HDAC9: variants seen among roughly 807,000 people sequenced by gnomAD.
HDAC9 encodes the protein histone deacetylase 9.
Under a neutral mutation model 139.4 loss-of-function variants are expected in HDAC9, and 41 were observed. The observed-to-expected ratio is 0.29, with a 90% CI of 0.23 to 0.38. HDAC9 has a LOEUF of 0.38. HDAC9 is among the 10% of genes least tolerant of loss of function. HDAC9 has a pLI of 1.00. For synonymous variants in HDAC9, 517 were observed against 476.2 expected, an observed-to-expected ratio of 1.09 and a Z score of -1.12; for missense variants, 1,147 against 1,297.0, an observed-to-expected ratio of 0.88 and a Z score of 1.78.
At chr7:18,510,776 G>A (rs1018511586) in intron 2 of HDAC9, among the ~76,000 whole-genome samples, 3 of 152,122 alleles carry the variant, frequency 2.0e-5, no homozygotes, top group African/African-American at 7.2e-5. Context: ...AATATAGATG[G>A]AATGGGTGAA....
chr7:18,662,577 A>C (rs1793553145), intron 11 of HDAC9, among the ~76,000 whole-genome samples: 1 of 151,948 alleles, frequency 6.6e-6, no homozygotes, highest in Non-Finnish European at 1.5e-5. Context: ...CTGAGATAGG[A>C]GTGCAGACAT....
At chr7:18,991,413 GGC>G (rs1785937280) in intron 25 of HDAC9, among the ~76,000 whole-genome samples, 2 of 152,142 alleles carry the variant, frequency 1.3e-5, no homozygotes, top group Non-Finnish European at 2.9e-5. Context: ...GGCCGAGGCG[GGC>G]AGATCACGAG....
chr7:18,275,820 T>G (rs949162309), intron 2 of HDAC9, among the ~76,000 whole-genome samples: 5 of 152,222 alleles, frequency 3.3e-5, no homozygotes, highest in Non-Finnish European at 1.5e-5. Flanking sequence ...CCATGCTTCG[T>G]TTTTGTTTAT....
intron 1 of HDAC9, among the ~76,000 whole-genome samples, chr7:18,450,972 G>A (rs1296288238): frequency 6.6e-6 from 1 of 152,122 alleles, no homozygotes; most frequent in Admixed American, 6.6e-5. Flanking sequence ...TTCACATATA[G>A]GTTATGTATA....
At chr7:18,505,416 A>G (rs1799493631) in intron 2 of HDAC9, among the ~76,000 whole-genome samples, 1 of 152,214 alleles carries the variant, frequency 6.6e-6, no homozygotes, top group Non-Finnish European at 1.5e-5. Flanking sequence ...CTCAAATCCT[A>G]ATTTCAACTT....
intron 1 of HDAC9, among the ~76,000 whole-genome samples, chr7:18,490,217 T>C (rs1796262601): frequency 1.3e-5 from 2 of 152,072 alleles, no homozygotes; most frequent in South Asian, 2.1e-4. Context: ...TCAGAATTAC[T>C]TGGAGGGCTG....
intron 2 of HDAC9, among the ~76,000 whole-genome samples, chr7:18,503,669 A>G (rs1798993810): frequency 6.6e-6 from 1 of 152,214 alleles, no homozygotes; most frequent in Admixed American, 6.5e-5. Context: ...ACCAAACCAC[A>G]GAGTGTAACT....
At chr7:18,271,821 CAA>C (rs1235964657) in intron 2 of HDAC9, among the ~76,000 whole-genome samples, 3 of 152,108 alleles carry the variant, frequency 2.0e-5, no homozygotes. Flanking sequence ...TCTGTGAAGG[CAA>C]AAATCAGTCA....
intron 21 of HDAC9, among the ~76,000 whole-genome samples, chr7:18,843,703 A>C (rs1796731024): frequency 6.6e-6 from 1 of 151,762 alleles, no homozygotes; most frequent in South Asian, 2.1e-4. Context: ...TTTTTCTATG[A>C]TTTTACATCT....
rs147259258 is a variant in HDAC9 at position 18,252,214 on chromosome 7, A to G, written c.25+89865A>G. Among the ~76,000 whole-genome samples the G allele has an allele frequency of 2.2e-3, 340 of 152,272 alleles. 5 individuals carry two copies. The East Asian group carries it at 0.031, about 14-fold the overall frequency. On this transcript the variant is annotated intron_variant, in intron 2 of 12. Coordinates refer to the HDAC9 transcript ENST00000417496. Reference sequence around the variant, plus strand: ...TCTACAAGAGAAATGTGGAACTACAACCATTTGCAGTGATCCTCAAGTCCT... The same window carrying G: ...TCTACAAGAGAAATGTGGAACTACAGCCATTTGCAGTGATCCTCAAGTCCT...
rs577753226 is a variant in HDAC9, at chr7:18,926,828, A to T, written c.2804-8981A>T. ...TGCTTTCAAAAGGTGCTGAGAATAT[A>T]AACTTACCTCCTGGAGCATCACTGA... On this transcript the variant is annotated intron_variant, in intron 22 of 25. Coordinates refer to ENST00000686413, the MANE Select transcript of HDAC9 (RefSeq NM_178425.4). 5.9e-5 allele frequency among the ~76,000 whole-genome samples: 9 copies of T among 152,332 alleles called. No individual in the cohort carries two copies. The South Asian group carries it at 1.7e-3, about 28-fold the overall frequency.
chr7:18,994,515 C>G (rs908666529), intron 25 of HDAC9, among the ~76,000 whole-genome samples: 3 of 152,114 alleles, frequency 2.0e-5, no homozygotes, highest in African/African-American at 7.2e-5. Flanking sequence ...GCTATAACTT[C>G]TTAAGAAGCA....
chr7:18,715,408 A>G (rs1316541404), intron 12 of HDAC9, among the ~76,000 whole-genome samples: 4 of 152,204 alleles, frequency 2.6e-5, no homozygotes, highest in Non-Finnish European at 5.9e-5. Flanking sequence ...GATATTTGGA[A>G]TATCTTTACT....
At chr7:18,794,413 G>T (rs546554129) in intron 17 of HDAC9, among the ~76,000 whole-genome samples, 12 of 152,298 alleles carry the variant, frequency 7.9e-5, no homozygotes, top group African/African-American at 2.9e-4. Flanking sequence ...AAAATGTGGA[G>T]TAGGAATGTG....
intron 23 of HDAC9, among the ~76,000 whole-genome samples, chr7:18,944,902 A>G (rs1013786558): frequency 2.6e-5 from 4 of 152,200 alleles, no homozygotes; most frequent in African/African-American, 9.6e-5. Context: ...CCATTCTATA[A>G]AAATAACTTT....
intron 2 of HDAC9, among the ~76,000 whole-genome samples, chr7:18,187,980 C>A (rs1265141050): frequency 6.6e-6 from 1 of 152,164 alleles, no homozygotes; most frequent in Admixed American, 6.5e-5. Flanking sequence ...ACATTCTTCA[C>A]AGAATTAGAA....
chr7:18,378,587 C>A (rs1431720969), intron 1 of HDAC9, among the ~76,000 whole-genome samples: 5 of 151,880 alleles, frequency 3.3e-5, no homozygotes, highest in Admixed American at 3.3e-4. Context: ...TGGATGTTTA[C>A]TAGAGCAAAG....
chr7:18,479,095 T>C (rs990955903), intron 1 of HDAC9, among the ~76,000 whole-genome samples: 3 of 152,144 alleles, frequency 2.0e-5, no homozygotes, highest in African/African-American at 7.2e-5. Context: ...TTTAAAAGTG[T>C]CTTTGCACAA....
chr7:18,871,018 G>A (rs995052819), intron 21 of HDAC9, among the ~76,000 whole-genome samples: 7 of 152,052 alleles, frequency 4.6e-5, no homozygotes, highest in African/African-American at 1.7e-4. Flanking sequence ...TTTCTGCCTT[G>A]TTCCAATGGT....
Sources: gnomAD v4.1 joint callset for allele counts (sites outside exome capture counted in the v4.1 genomes callset) on GRCh38, gnomAD v4.1.1 for gene constraint, MANE v1.5 for transcripts, NCBI Gene and HGNC (gene_info 2026-07-23, HGNC 2026-07-21) for gene names.